The following FUT8 variants were observed in gnomAD, a reference collection of about 807,000 sequenced individuals.
FUT8 encodes the protein alpha-(1,6)-fucosyltransferase.
Under a neutral mutation model 71.3 loss-of-function variants are expected in FUT8, and 29 were observed. That is an observed-to-expected ratio of 0.41 (90% confidence interval 0.30 to 0.55). The LOEUF is 0.55. Ranked by LOEUF, FUT8 falls within the 20% of genes least tolerant of loss-of-function variation. FUT8 has a pLI of 0.34. For synonymous variants in FUT8, 254 were observed against 239.3 expected (o/e 1.06, Z -0.57); for missense variants, 544 against 702.1 (o/e 0.77, Z 2.55).
chr14:65,557,767 A>C (rs1885672735), intron 2 of FUT8, among the ~76,000 whole-genome samples: 3 of 152,134 alleles, frequency 2.0e-5, no homozygotes. Context: ...AGTAGTAATA[A>C]ATTTATAAAT....
rs987149118 is a variant in FUT8, at chr14:65,652,976, A to C, written c.598-16267A>C. On this transcript the variant is annotated intron_variant, in intron 6 of 10. Transcript: ENST00000673929. The surrounding 1 kb of genome is among the most constrained non-coding windows in gnomAD (Gnocchi z 4.0). The stretch of plus-strand genomic sequence containing the variant: ...CAACTTCAAGGTAGTAGGATTTTTT[A>C]CAAGGTAGCTGAGGGCTCCAAAGGT... Among the ~76,000 whole-genome samples the C allele has an allele frequency of 6.6e-6, 1 of 152,194 alleles. No individual in the cohort carries two copies. The highest frequency in any genetic ancestry group is 1.5e-5 in the Non-Finnish European group (1 of 68,030).
At chr14:65,673,705 G>A (rs1418199580) in intron 7 of FUT8, among the ~76,000 whole-genome samples, 1 of 152,166 alleles carries the variant, frequency 6.6e-6, no homozygotes, top group Non-Finnish European at 1.5e-5. Context: ...TTAAAAACAA[G>A]CATCACTTAC....
chr14:65,704,967 C>G (rs1428124548), intron 7 of FUT8, among the ~76,000 whole-genome samples: 3 of 152,208 alleles, frequency 2.0e-5, no homozygotes, highest in African/African-American at 7.2e-5. Flanking sequence ...ATGTCTGTTG[C>G]TATTAAAAGC....
At chr14:65,671,533 A>C (rs1487783054) in intron 7 of FUT8, among the ~76,000 whole-genome samples, 1 of 152,214 alleles carries the variant, frequency 6.6e-6, no homozygotes, top group Non-Finnish European at 1.5e-5. Context: ...TCACTTGTAC[A>C]TACCCCCAGT....
intron 6 of FUT8, among the ~76,000 whole-genome samples, chr14:65,661,393 G>A (rs1202654883): frequency 1.3e-5 from 2 of 152,146 alleles, no homozygotes; most frequent in Non-Finnish European, 2.9e-5. Flanking sequence ...CTTTGTCTCT[G>A]TAGATGTAAT....
intron 3 of FUT8, among the ~76,000 whole-genome samples, chr14:65,564,047 C>A (rs1170302402): frequency 6.6e-6 from 1 of 151,994 alleles, no homozygotes; most frequent in Non-Finnish European, 1.5e-5. Context: ...TCATTGGGCC[C>A]TTTCATTGAC....
At chr14:65,575,571 CCTTCCTTCCTT>C (rs761542848) in intron 3 of FUT8, among the ~76,000 whole-genome samples, 9,191 of 19,530 alleles carry the variant, frequency 0.47, 656 homozygotes, top group Non-Finnish European at 0.51. Context: ...TCCCTTCTTT[CCTTCCTTCCTT>C]CTTCCTTCCT....
chr14:65,585,312 A>G (rs570012154), intron 3 of FUT8, among the ~76,000 whole-genome samples: 59 of 152,178 alleles, frequency 3.9e-4, no homozygotes, highest in African/African-American at 1.3e-3. Flanking sequence ...TCAGCCTCCC[A>G]AGCAGCTGGA....
the FUT8 span, among the ~76,000 whole-genome samples, chr14:65,403,277 T>A: frequency 6.6e-6 from 1 of 152,184 alleles, no homozygotes; most frequent in African/African-American, 2.4e-5. Context: ...TTTACAGATA[T>A]GAAAAAATGA....
In FUT8 at chr14:65,523,911, T is replaced by G. The variant is rs141814952; in HGVS notation, c.-227-37426T>G. On this transcript the variant is annotated intron_variant, in intron 2 of 10. Transcript: ENST00000673929. Reference sequence around the variant, plus strand: ...TGTGTGGTATTATTTCTGAGGGCTCTGTCCTGTTCCATTGATCTATATCTC... The same window carrying G: ...TGTGTGGTATTATTTCTGAGGGCTCGGTCCTGTTCCATTGATCTATATCTC... Among the ~76,000 whole-genome samples the G allele has an allele frequency of 7.8e-3, 1,181 of 152,308 alleles. 9 individuals carry two copies. Among genetic ancestry groups the G allele is most frequent in the African/African-American group, 0.024 (985 of 41,562 alleles).
At chr14:65,648,348 CTCTTGTTGGTAT>C (rs1348543483) in intron 6 of FUT8, among the ~76,000 whole-genome samples, 1 of 152,116 alleles carries the variant, frequency 6.6e-6, no homozygotes, top group African/African-American at 2.4e-5. Context: ...TATATATGAA[CTCTTGTTGGTAT>C]TCCAGGTGTC....
At chr14:65,609,667 G>A (rs1888777047) in intron 3 of FUT8, among the ~76,000 whole-genome samples, 1 of 151,622 alleles carries the variant, frequency 6.6e-6, no homozygotes, top group Non-Finnish European at 1.5e-5. Flanking sequence ...TTTTATAATA[G>A]GTCTTTAAAA....
chr14:65,469,947 G>C (rs7151148), intron 2 of FUT8, among the ~76,000 whole-genome samples: 125,712 of 152,148 alleles, frequency 0.83, 52,189 homozygotes, highest in East Asian at 1. Context: ...GGTCCCCAAC[G>C]TTCAGGCCCT....
intron 3 of FUT8, among the ~76,000 whole-genome samples, chr14:65,608,207 G>C (rs1888688051): frequency 6.6e-6 from 1 of 151,716 alleles, no homozygotes; most frequent in Non-Finnish European, 1.5e-5. Flanking sequence ...TTTAAAGCAA[G>C]TGCCTGAAAA....
intron 1 of FUT8, among the ~76,000 whole-genome samples, chr14:65,446,728 T>A (rs557051079): frequency 1.1e-3 from 164 of 149,688 alleles, no homozygotes; most frequent in Non-Finnish European, 2.1e-3. Flanking sequence ...GCAATTAATA[T>A]GCTTAATGAA....
intron 1 of FUT8, among the ~76,000 whole-genome samples, chr14:65,453,857 G>T (rs1200520758): frequency 6.6e-6 from 1 of 152,140 alleles, no homozygotes; most frequent in African/African-American, 2.4e-5. Flanking sequence ...TATCATTCTA[G>T]TAATTTTTGC....
At chr14:65,634,304 C>G (rs534787606) in intron 6 of FUT8, among the ~76,000 whole-genome samples, 41 of 152,160 alleles carry the variant, frequency 2.7e-4, no homozygotes, top group African/African-American at 9.4e-4. Flanking sequence ...TGTGTCCACT[C>G]AGCGTTAAAT....
At chr14:65,455,502 G>C in intron 1 of FUT8, 119 bp from the exon 2 acceptor site, 1 of 391,648 alleles carries the variant, frequency 2.6e-6, no homozygotes, top group Middle Eastern at 6.4e-4. Context: ...CAAAATAAGT[G>C]AATTTGCATG....
At chr14:65,466,125 C>G (rs1036891832) in intron 2 of FUT8, among the ~76,000 whole-genome samples, 1 of 152,116 alleles carries the variant, frequency 6.6e-6, no homozygotes, top group Non-Finnish European at 1.5e-5. Context: ...TTTAGCATAG[C>G]CTATCTTTCT....
Sources: allele counts gnomAD v4.1 joint callset (sites outside exome capture counted in the v4.1 genomes callset), GRCh38; gene constraint gnomAD v4.1.1; non-coding constraint Gnocchi (gnomAD v3.1); transcripts MANE v1.5; gene names NCBI Gene and HGNC (gene_info 2026-07-23, HGNC 2026-07-21).